Variants in CACNA1C observed in about 807,000 individuals in gnomAD.
CACNA1C encodes the protein calcium voltage-gated channel subunit alpha1 C.
CACNA1C carries 30 observed loss-of-function variants against 229.0 expected under a neutral mutation model. The ratio of observed to expected loss-of-function variants is 0.13; its 90% CI spans 0.10 to 0.18. CACNA1C has a LOEUF of 0.18. CACNA1C is among the 10% of genes least tolerant of loss of function. CACNA1C has a pLI of 1.00. For missense variants in CACNA1C, 1,658 were observed against 2,845.0 expected, an observed-to-expected ratio of 0.58 and a Z score of 9.49; for synonymous variants, 1,114 against 1,132.5, an observed-to-expected ratio of 0.98 and a Z score of 0.33.
intron 10 of CACNA1C, among the ~76,000 whole-genome samples, chr12:2,553,791 T>G (rs963082410): frequency 6.6e-6 from 1 of 152,128 alleles, no homozygotes; most frequent in African/African-American, 2.4e-5. Flanking sequence ...AGGACAAATG[T>G]TGGGTCCTCT....
At position 2,275,890 on chromosome 12, in the gene CACNA1C, A is replaced by C. The variant is rs2087704464; in HGVS notation, c.477+155460A>C. Among the ~76,000 whole-genome samples, 1 of 152,044 alleles carries C rather than the reference A, an allele frequency of 6.6e-6. No individual in the cohort carries two copies. Among genetic ancestry groups the C allele is most frequent in the African/African-American group, 2.4e-5 (1 of 41,378 alleles). ...AAACATGGGTTTTGAGCCAGACGGA[A>C]AGTCATCAAGCCCAGTTACAGTCAT... On this transcript the variant is annotated intron_variant, in intron 3 of 46. Transcript: ENST00000399655. The surrounding 1 kb of genome is among the most constrained non-coding windows in gnomAD (Gnocchi z 4.1).
chr12:2,478,580 A>G (rs2099643447), intron 5 of CACNA1C, among the ~76,000 whole-genome samples: 1 of 152,188 alleles, frequency 6.6e-6, no homozygotes, highest in South Asian at 2.1e-4. Flanking sequence ...GCTGTCACTG[A>G]TATGGCCTTT....
chr12:2,695,402 G>C lies in CACNA1C; in HGVS notation c.*4203G>C, dbSNP rs1169180268. 6.6e-6 allele frequency: 1 copy of C among 152,394 alleles called. No individual in the cohort carries two copies. Among genetic ancestry groups the C allele is most frequent in the African/African-American group, 2.4e-5 (1 of 41,456 alleles). The allele number at this position is 152,394 out of a possible 1,614,324, so 9.4% of individuals were successfully genotyped here. A position where few individuals can be genotyped will look rare whatever the true frequency, so the allele number is the denominator to read the frequency against. The stretch of plus-strand genomic sequence containing the variant: ...GGGATGTGGGGGTGTCTGCCACCCT[G>C]TCCCCCCTCTGCTGATGTCCCTCCC... On this transcript the variant is annotated 3_prime_UTR_variant, in exon 47 of 47. Coordinates refer to ENST00000399655, the MANE Select transcript of CACNA1C (RefSeq NM_000719.7).
intron 3 of CACNA1C, among the ~76,000 whole-genome samples, chr12:2,336,532 G>T (rs1339520356): frequency 2.6e-5 from 4 of 152,188 alleles, no homozygotes. Flanking sequence ...ACTCAGACAG[G>T]CAGGAATAGT....
At chr12:2,224,211 G>C (rs188843485) in intron 3 of CACNA1C, among the ~76,000 whole-genome samples, 6 of 152,262 alleles carry the variant, frequency 3.9e-5, no homozygotes, top group African/African-American at 1.4e-4. Context: ...TCAACAACTG[G>C]GAGCTGGGAA....
At chr12:2,543,581 C>T (rs1419645737) in intron 9 of CACNA1C, among the ~76,000 whole-genome samples, 1 of 152,200 alleles carries the variant, frequency 6.6e-6, no homozygotes, top group Non-Finnish European at 1.5e-5. Context: ...GATAAACTAT[C>T]GCAAATTAAT....
intron 1 of CACNA1C, among the ~76,000 whole-genome samples, chr12:2,093,693 C>A (rs2072481062): frequency 6.6e-6 from 1 of 152,190 alleles, no homozygotes. Context: ...CATGGGTGAT[C>A]TGGGGCCCAT....
intron 3 of CACNA1C, among the ~76,000 whole-genome samples, chr12:2,283,479 C>T (rs951689615): frequency 3.3e-5 from 5 of 152,224 alleles, no homozygotes; most frequent in African/African-American, 1.2e-4. Flanking sequence ...TATCCACACT[C>T]AGCCTGCAGG....
Position 2,605,553 on chromosome 12 carries a change from C to T in CACNA1C, c.3049-126C>T, listed in dbSNP as rs112427283. The T allele has an allele frequency of 2.1e-3, 1,477 of 710,236 alleles. 22 individuals carry two copies. The African/African-American group carries it at 0.023, about 11-fold the overall frequency. The allele number at this position is 710,236 out of a possible 1,614,324, so 44.0% of individuals were successfully genotyped here. ...ATCACTTCCCATGTGACTTTGGGAG[C>T]GTGGCTTTGCCCCTCTCAGCCCAAT... On this transcript the variant is annotated intron_variant, in intron 23 of 46. Coordinates refer to ENST00000399655, the MANE Select transcript of CACNA1C (RefSeq NM_000719.7). The surrounding 1 kb of genome is among the most constrained non-coding windows in gnomAD (Gnocchi z 6.2).
chr12:2,561,367 T>C (rs1282648162), intron 11 of CACNA1C, among the ~76,000 whole-genome samples: 1 of 152,244 alleles, frequency 6.6e-6, no homozygotes, highest in Non-Finnish European at 1.5e-5. Context: ...GCTCACTTAG[T>C]GGTCTGTGTC....
chr12:2,539,010 G>A (rs2099862514), intron 9 of CACNA1C, among the ~76,000 whole-genome samples: 1 of 152,186 alleles, frequency 6.6e-6, no homozygotes, highest in South Asian at 2.1e-4. Context: ...GCCTGATGGG[G>A]CTGAAAAAGG....
At chr12:2,650,864 C>A (rs1474965387) in intron 31 of CACNA1C, among the ~76,000 whole-genome samples, 1 of 152,158 alleles carries the variant, frequency 6.6e-6, no homozygotes, top group African/African-American at 2.4e-5. Flanking sequence ...CCTCCCCTCC[C>A]TTACGCTGCC....
In CACNA1C at chr12:2,181,845, C is replaced by T. The variant is rs1231002385; in HGVS notation, c.477+61415C>T. Among the ~76,000 whole-genome samples the T allele has an allele frequency of 6.6e-6, 1 of 152,078 alleles. No individual in the cohort carries two copies. Among genetic ancestry groups the T allele is most frequent in the African/African-American group, 2.4e-5 (1 of 41,410 alleles). ...AATGGACTGCAAGGACACTCTGTCTCTGGCCCAGAGGAACAGCTGGAGGAT... is the reference window on the plus strand; with the variant it reads ...AATGGACTGCAAGGACACTCTGTCTTTGGCCCAGAGGAACAGCTGGAGGAT... On this transcript the variant is annotated intron_variant, in intron 3 of 46. Coordinates refer to ENST00000399655, the MANE Select transcript of CACNA1C (RefSeq NM_000719.7). This position sits in a 1 kb window ranked among gnomAD's most constrained non-coding sequence, Gnocchi z 4.0.
chr12:2,336,022 C>T (rs1197206732), intron 3 of CACNA1C, among the ~76,000 whole-genome samples: 1 of 92,562 alleles, frequency 1.1e-5, no homozygotes, highest in Non-Finnish European at 2.4e-5. Context: ...AAAACAACTC[C>T]AAAAAAAAAA....
intron 3 of CACNA1C, among the ~76,000 whole-genome samples, chr12:2,321,002 T>C (rs760635849): frequency 2.0e-5 from 3 of 152,124 alleles, no homozygotes; most frequent in African/African-American, 4.8e-5. Flanking sequence ...GCAGCAGCTG[T>C]GTAAGGCAAT....
chr12:2,164,557 G>A lies in CACNA1C; in HGVS notation c.477+44127G>A, dbSNP rs182054182. ...TCTCTGCTCCCCATATTGCAGCCTG[G>A]TAAGCTGTTGTGGCTTATCACCCGC... On this transcript the variant is annotated intron_variant, in intron 3 of 46. Coordinates refer to ENST00000399655, the MANE Select transcript of CACNA1C (RefSeq NM_000719.7). Among the ~76,000 whole-genome samples the A allele has an allele frequency of 2.9e-3, 443 of 152,318 alleles. 1 individual carries two copies. Among genetic ancestry groups the A allele is most frequent in the Non-Finnish European group, 4.8e-3 (324 of 68,044 alleles).
chr12:2,607,690 A>G (rs1299275352), intron 26 of CACNA1C, among the ~76,000 whole-genome samples: 4 of 152,274 alleles, frequency 2.6e-5, no homozygotes, highest in Non-Finnish European at 4.4e-5. Flanking sequence ...TGGGCCTTGC[A>G]CGCTGCATCA....
Position 2,585,394 on chromosome 12 carries a change from G to T in CACNA1C, c.2358G>T (p.Lys786Asn), listed in dbSNP as rs982422518. The change falls in exon 17 of 47, where the codon AAG becomes AAT. Residue 786 changes from lysine to asparagine, a missense_variant. Lys to Asn is a moderately conservative substitution (Grantham distance 94, BLOSUM62 0). Coordinates refer to ENST00000399655, the MANE Select transcript of CACNA1C (RefSeq NM_000719.7). This position sits in a 1 kb window ranked among gnomAD's most constrained non-coding sequence, Gnocchi z 4.1. ...TGGCCAGGACTGCCAGCCCAGAGAA[G>T]AAACAAGAGTTGGTGGAGAAGCCGG... ...KKLARTASPE[K>N]KQELVEKPAV... 2 of 1,612,790 alleles carry T rather than the reference G, an allele frequency of 1.2e-6. No homozygotes were observed. The highest frequency in any genetic ancestry group is 1.3e-5 in the African/African-American group (1 of 75,044).
chr12:2,145,179 G>C (rs1168468857), intron 3 of CACNA1C, among the ~76,000 whole-genome samples: 4 of 151,274 alleles, frequency 2.6e-5, no homozygotes, highest in African/African-American at 9.7e-5. Flanking sequence ...GCTGAAGTAC[G>C]TATTTCCCCC....
Sources: allele counts gnomAD v4.1 joint callset (sites outside exome capture counted in the v4.1 genomes callset), GRCh38; gene constraint gnomAD v4.1.1; non-coding constraint Gnocchi (gnomAD v3.1); transcripts MANE v1.5; gene names NCBI Gene and HGNC (gene_info 2026-07-23, HGNC 2026-07-21).